ARHGEF28: variants seen among roughly 807,000 people sequenced by gnomAD.
ARHGEF28 encodes the protein Rho guanine nucleotide exchange factor 28.
Under a neutral mutation model 206.6 loss-of-function variants are expected in ARHGEF28, and 152 were observed. The observed-to-expected ratio is 0.74, with a 90% confidence interval of 0.64 to 0.84. The LOEUF (loss-of-function observed/expected upper bound fraction) is 0.84, where lower values mean the gene tolerates loss of function less well. ARHGEF28 is among the 40% of genes least tolerant of loss of function. The pLI, the probability that ARHGEF28 is intolerant of heterozygous loss-of-function variation, is 0.00. For synonymous variants in ARHGEF28, 763 were observed against 776.4 expected, an observed-to-expected ratio of 0.98 and a Z score of 0.29; for missense variants, 2,028 against 2,073.2, an observed-to-expected ratio of 0.98 and a Z score of 0.42.
chr5:73,734,005 C>G (rs574146666), intron 2 of ARHGEF28, among the ~76,000 whole-genome samples: 1 of 152,194 alleles, frequency 6.6e-6, no homozygotes, highest in South Asian at 2.1e-4. Flanking sequence ...TGCAAGAACT[C>G]GCTATCACAA....
At chr5:73,933,450 C>T (rs1764244558) in intron 35 of ARHGEF28, among the ~76,000 whole-genome samples, 1 of 152,138 alleles carries the variant, frequency 6.6e-6, no homozygotes, top group Admixed American at 6.5e-5. Flanking sequence ...ACTTGTCATA[C>T]AGTTGCATTA....
chr5:73,921,735 T>G (rs1158492134), intron 35 of ARHGEF28, among the ~76,000 whole-genome samples: 1 of 152,212 alleles, frequency 6.6e-6, no homozygotes, highest in East Asian at 1.9e-4. Flanking sequence ...TACAGAATAT[T>G]TGGATCATCC....
chr5:73,707,829 T>C (rs1238860013), intron 2 of ARHGEF28, among the ~76,000 whole-genome samples: 4 of 152,170 alleles, frequency 2.6e-5, no homozygotes, highest in Non-Finnish European at 4.4e-5. Flanking sequence ...AAATTTTTTG[T>C]ACTTTCTAGT....
intron 1 of ARHGEF28, among the ~76,000 whole-genome samples, chr5:73,643,766 G>A (rs1419083690): frequency 1.4e-5 from 2 of 147,526 alleles, no homozygotes; most frequent in African/African-American, 5.1e-5. Context: ...AGTGAGCTGA[G>A]ATTGTGCCAC....
chr5:73,870,037 C>T (rs1759993394), intron 20 of ARHGEF28, 32 bp from the exon 21 acceptor site: 1 of 1,603,038 alleles, frequency 6.2e-7, no homozygotes, highest in Non-Finnish European at 8.5e-7. Context: ...CATTATTGTA[C>T]TTCTGGCTTT....
At chr5:73,837,159 C>T (rs1757696266) in intron 10 of ARHGEF28, among the ~76,000 whole-genome samples, 1 of 151,990 alleles carries the variant, frequency 6.6e-6, no homozygotes, top group Non-Finnish European at 1.5e-5. Context: ...TTTTGGGATT[C>T]CATTCAAATT....
chr5:73,874,427 ATACTTT>A (rs1358474592), intron 22 of ARHGEF28, among the ~76,000 whole-genome samples: 1 of 151,724 alleles, frequency 6.6e-6, no homozygotes, highest in African/African-American at 2.4e-5. Flanking sequence ...TGTTATTATT[ATACTTT>A]AAGTTTTAGG....
At chr5:73,857,440 G>A (rs896618403) in intron 14 of ARHGEF28, among the ~76,000 whole-genome samples, 4 of 152,048 alleles carry the variant, frequency 2.6e-5, no homozygotes, top group African/African-American at 9.7e-5. Context: ...TGTTGACATT[G>A]TGAGATTGTT....
chr5:73,658,182 T>C (rs16870661), intron 1 of ARHGEF28, among the ~76,000 whole-genome samples: 112,009 of 151,772 alleles, frequency 0.74, 41,412 homozygotes, highest in East Asian at 0.83. Flanking sequence ...ATCAAGTCCT[T>C]CTGCAAGCTC....
chr5:73,813,495 C>T, intron 9 of ARHGEF28: 1 of 1,511,880 alleles, frequency 6.6e-7, no homozygotes, highest in Non-Finnish European at 8.8e-7. Context: ...CTTCCCTTTA[C>T]ATCACATGGG....
intron 14 of ARHGEF28, among the ~76,000 whole-genome samples, chr5:73,855,318 C>T (rs1758950024): frequency 6.6e-6 from 1 of 152,134 alleles, no homozygotes; most frequent in Non-Finnish European, 1.5e-5. Context: ...ATGATATTCA[C>T]ATTTCTACCA....
At chr5:73,753,752 G>A (rs987387069) in intron 4 of ARHGEF28, among the ~76,000 whole-genome samples, 17 of 152,214 alleles carry the variant, frequency 1.1e-4, no homozygotes, top group African/African-American at 3.9e-4. Flanking sequence ...GAATCTGCGT[G>A]TGAACAAGGC....
chr5:73,751,998 C>G (rs1752040568), intron 3 of ARHGEF28, among the ~76,000 whole-genome samples: 1 of 152,138 alleles, frequency 6.6e-6, no homozygotes, highest in Non-Finnish European at 1.5e-5. Flanking sequence ...TGCAAAGCCT[C>G]TGGGAAAAGT....
chr5:73,858,130 A>T lies in ARHGEF28; in HGVS notation c.1958A>T (p.His653Leu). The T allele has an allele frequency of 6.2e-7, 1 of 1,612,386 alleles. No homozygotes were observed. ...DAKDKEKLNR[H>L]QFAPGTFSGV... ...AAAGATAAAGAGAAGCTGAATCGAC[A>T]TCAGTTTGCCCCAGGAACATTCTCT... The change falls in exon 16 of 36, where the codon CAT becomes CTT. Residue 653 changes from histidine to leucine, a missense_variant. Transcript: ENST00000513042.
rs556304794 is a variant in ARHGEF28, at chr5:73,792,923, T to G, written c.911-1479T>G. 2.6e-5 allele frequency among the ~76,000 whole-genome samples: 4 copies of G among 152,270 alleles called. No individual in the cohort carries two copies. In the South Asian group the frequency reaches 8.3e-4, roughly 32 times the overall value. ...ATTCCTACCTCTGGCAATGTTACTC[T>G]GCTGCCACCTGGAGGCCTTCTGTGG... is the stretch of plus-strand genomic sequence containing the variant. On this transcript the variant is annotated intron_variant, in intron 7 of 35. Transcript: ENST00000513042.
intron 2 of ARHGEF28, among the ~76,000 whole-genome samples, chr5:73,718,043 T>C (rs1749698035): frequency 6.6e-6 from 1 of 152,142 alleles, no homozygotes; most frequent in Non-Finnish European, 1.5e-5. Context: ...CATGCCCAGC[T>C]AATTCTGATT....
chr5:73,864,929 T>C, intron 17 of ARHGEF28, 57 bp downstream of exon 17: 1 of 1,496,444 alleles, frequency 6.7e-7, no homozygotes, highest in African/African-American at 1.4e-5. Context: ...ATAGTATCTA[T>C]TTGAGCTTTT....
chr5:73,704,734 A>AT (rs1016796145), intron 2 of ARHGEF28, among the ~76,000 whole-genome samples: 2 of 152,102 alleles, frequency 1.3e-5, no homozygotes, highest in Non-Finnish European at 2.9e-5. Flanking sequence ...CATTACTATT[A>AT]TTTTTTTAAA....
At chr5:73,678,628 T>G (rs1746852488) in intron 1 of ARHGEF28, among the ~76,000 whole-genome samples, 1 of 152,202 alleles carries the variant, frequency 6.6e-6, no homozygotes, top group African/African-American at 2.4e-5. Context: ...CTTCTCACTG[T>G]GTAAATACAT....
Sources: allele counts gnomAD v4.1 joint callset (sites outside exome capture counted in the v4.1 genomes callset), GRCh38; gene constraint gnomAD v4.1.1; transcripts MANE v1.5; gene names NCBI Gene and HGNC (gene_info 2026-07-23, HGNC 2026-07-21).